Variants in HCN1 observed in about 807,000 individuals in gnomAD.
The protein encoded by HCN1 is potassium/sodium hyperpolarization-activated cyclic nucleotide-gated channel 1.
A neutral mutation model predicts 78.9 loss-of-function variants in HCN1; 13 were observed. That is an observed-to-expected ratio of 0.16 (90% CI 0.11 to 0.26). The LOEUF is 0.26. Ranked by LOEUF, HCN1 falls within the 10% of genes least tolerant of loss-of-function variation. The pLI, the probability that HCN1 is intolerant of heterozygous loss-of-function variation, is 1.00. For missense variants in HCN1, 810 were observed against 1,154.3 expected, an observed-to-expected ratio of 0.70 and a Z score of 4.32; for synonymous variants, 552 against 455.5, an observed-to-expected ratio of 1.21 and a Z score of -2.70.
intron 3 of HCN1, among the ~76,000 whole-genome samples, chr5:45,416,004 C>T (rs1410762184): frequency 6.6e-6 from 1 of 151,940 alleles, no homozygotes; most frequent in South Asian, 2.1e-4. Flanking sequence ...AGTATCTCTC[C>T]TTAAGATTCA....
At chr5:45,445,754 C>G (rs1266706587) in intron 3 of HCN1, among the ~76,000 whole-genome samples, 1 of 152,112 alleles carries the variant, frequency 6.6e-6, no homozygotes, top group Admixed American at 6.5e-5. Context: ...CTGCAGACAC[C>G]GCTGCTGATA....
At chr5:45,557,516 G>A (rs920953601) in intron 2 of HCN1, among the ~76,000 whole-genome samples, 1 of 151,984 alleles carries the variant, frequency 6.6e-6, no homozygotes, top group Non-Finnish European at 1.5e-5. Context: ...ATTTTATGGT[G>A]CATGGCTTTA....
At chr5:45,553,736 C>G (rs1000309300) in intron 2 of HCN1, among the ~76,000 whole-genome samples, 38 of 152,008 alleles carry the variant, frequency 2.5e-4, no homozygotes, top group African/African-American at 9.2e-4. Context: ...CTTATAATAC[C>G]TAATACCACC....
At chr5:45,518,773 A>C (rs1301465796) in intron 2 of HCN1, among the ~76,000 whole-genome samples, 1 of 152,028 alleles carries the variant, frequency 6.6e-6, no homozygotes. Context: ...AATTTGTTGA[A>C]AAGAGGGAAG....
At chr5:45,497,070 G>C (rs1424247177) in intron 2 of HCN1, among the ~76,000 whole-genome samples, 1 of 152,172 alleles carries the variant, frequency 6.6e-6, no homozygotes, top group Non-Finnish European at 1.5e-5. Context: ...CTGAGAGATA[G>C]TTTGTTATAA....
chr5:45,353,332 A>G, intron 4 of HCN1, 86 bp from the exon 5 acceptor site: 1 of 985,494 alleles, frequency 1.0e-6, no homozygotes, highest in Admixed American at 2.0e-5. Flanking sequence ...ATATTCAATA[A>G]TATTTGAATA....
At chr5:45,358,785 A>G (rs572892921) in intron 4 of HCN1, among the ~76,000 whole-genome samples, 11 of 152,258 alleles carry the variant, frequency 7.2e-5, no homozygotes, top group Admixed American at 3.3e-4. Flanking sequence ...AGTGAAATAA[A>G]TAACAGATGC....
intron 3 of HCN1, among the ~76,000 whole-genome samples, chr5:45,404,193 C>G (rs993743020): frequency 6.6e-6 from 1 of 152,020 alleles, no homozygotes; most frequent in African/African-American, 2.4e-5. Flanking sequence ...CATGGCTATT[C>G]CTTTTTCACC....
intron 2 of HCN1, among the ~76,000 whole-genome samples, chr5:45,479,140 A>G (rs1433336853): frequency 6.6e-6 from 1 of 151,250 alleles, no homozygotes; most frequent in Non-Finnish European, 1.5e-5. Flanking sequence ...AAAAAAAAAA[A>G]GAATGAGTTG....
At chr5:45,368,490 A>G (rs1747279977) in intron 4 of HCN1, among the ~76,000 whole-genome samples, 1 of 152,060 alleles carries the variant, frequency 6.6e-6, no homozygotes. Flanking sequence ...TCTCTTCTAT[A>G]TCAACATTAA....
chr5:45,695,617 C>T, intron 1 of HCN1, 52 bp downstream of exon 1: 3 of 1,573,838 alleles, frequency 1.9e-6, no homozygotes, highest in Non-Finnish European at 2.6e-6. Context: ...CGGGGAAGCG[C>T]GTTTCAGGGC....
chr5:45,333,773 T>C (rs1746395829), intron 5 of HCN1, among the ~76,000 whole-genome samples: 1 of 151,834 alleles, frequency 6.6e-6, no homozygotes, highest in South Asian at 2.1e-4. Context: ...TCTTGACATC[T>C]CTGTCAAACA....
At chr5:45,406,246 C>T (rs542184713) in intron 3 of HCN1, among the ~76,000 whole-genome samples, 4 of 152,098 alleles carry the variant, frequency 2.6e-5, no homozygotes, top group South Asian at 4.2e-4. Context: ...TGGGGTACCT[C>T]TTTGTTAACA....
At chr5:45,441,487 G>A (rs1740680061) in intron 3 of HCN1, among the ~76,000 whole-genome samples, 1 of 152,108 alleles carries the variant, frequency 6.6e-6, no homozygotes, top group South Asian at 2.1e-4. Context: ...GAAAACAAGT[G>A]GAGGCAAATT....
At chr5:45,534,955 A>C (rs1370843427) in intron 2 of HCN1, among the ~76,000 whole-genome samples, 1 of 152,222 alleles carries the variant, frequency 6.6e-6, no homozygotes. Context: ...CATTAATCAC[A>C]TGCCCGACTT....
intron 5 of HCN1, among the ~76,000 whole-genome samples, chr5:45,317,130 C>T (rs1207378333): frequency 6.6e-6 from 1 of 152,118 alleles, no homozygotes; most frequent in East Asian, 1.9e-4. Context: ...GCCGAAAGAA[C>T]AAAGCTGGAG....
chr5:45,535,609 A>G (rs1742950919), intron 2 of HCN1, among the ~76,000 whole-genome samples: 1 of 152,104 alleles, frequency 6.6e-6, no homozygotes. Flanking sequence ...AAAAAAACAC[A>G]GAATGAAAGG....
chr5:45,438,612 CAAAA>C (rs887546222), intron 3 of HCN1, among the ~76,000 whole-genome samples: 8 of 149,688 alleles, frequency 5.3e-5, no homozygotes, highest in African/African-American at 1.5e-4. Context: ...ACAAAACAAA[CAAAA>C]AAAGAAAAAC....
intron 2 of HCN1, among the ~76,000 whole-genome samples, chr5:45,596,937 C>T (rs10069510): frequency 0.47 from 71,396 of 151,962 alleles, 18,950 homozygotes; most frequent in Non-Finnish European, 0.58. Context: ...ATAAACAGTA[C>T]ATTTATCTGC....
Sources: allele counts gnomAD v4.1 joint callset (sites outside exome capture counted in the v4.1 genomes callset), GRCh38; gene constraint gnomAD v4.1.1; transcripts MANE v1.5; gene names NCBI Gene and HGNC (gene_info 2026-07-23, HGNC 2026-07-21).